The following LINGO2 variants were observed in gnomAD, a reference collection of about 807,000 sequenced individuals.
LINGO2 encodes the protein leucine rich repeat and Ig domain containing 2.
Under a neutral mutation model 30.6 loss-of-function variants are expected in LINGO2, and 14 were observed. The observed-to-expected ratio is 0.46, with a 90% CI of 0.30 to 0.72. LINGO2 has a LOEUF of 0.72. Among genes scored for constraint, LINGO2 ranks in the 30% least tolerant of loss-of-function variants. The pLI is 0.07. For missense variants in LINGO2, 729 were observed against 751.7 expected, an observed-to-expected ratio of 0.97 and a Z score of 0.35; for synonymous variants, 317 against 288.5, an observed-to-expected ratio of 1.10 and a Z score of -1.00.
chr9:28,698,681 T>C, the LINGO2 span, among the ~76,000 whole-genome samples: 4 of 151,946 alleles, frequency 2.6e-5, no homozygotes, highest in Non-Finnish European at 5.9e-5. Context: ...TAACATTGAA[T>C]AGAAAGTACA....
chr9:28,415,240 GA>G (rs1464854294), intron 2 of LINGO2, among the ~76,000 whole-genome samples: 2 of 152,022 alleles, frequency 1.3e-5, no homozygotes. Flanking sequence ...GAATGGATAG[GA>G]AACTATCAAA....
At chr9:28,555,813 T>A (rs1419124608) in intron 1 of LINGO2, among the ~76,000 whole-genome samples, 1 of 152,050 alleles carries the variant, frequency 6.6e-6, no homozygotes, top group Non-Finnish European at 1.5e-5. Flanking sequence ...TCAAGTGGGC[T>A]TCATCCCTGG....
chr9:28,639,669 C>A (rs1190389862), intron 1 of LINGO2, among the ~76,000 whole-genome samples: 2 of 152,046 alleles, frequency 1.3e-5, no homozygotes, highest in Non-Finnish European at 2.9e-5. Context: ...TTTCCATTTG[C>A]TTGGTAGATC....
intron 4 of LINGO2, among the ~76,000 whole-genome samples, chr9:28,066,968 T>C (rs1007468567): frequency 6.6e-6 from 1 of 152,120 alleles, no homozygotes; most frequent in African/African-American, 2.4e-5. Flanking sequence ...TATAAAATTC[T>C]ACACCTCCTC....
chr9:28,053,763 G>A (rs78852341), intron 4 of LINGO2, among the ~76,000 whole-genome samples: 1,522 of 152,146 alleles, frequency 0.01, 23 homozygotes, highest in African/African-American at 0.035. Context: ...TTAAAAGAAC[G>A]TAAATAGAGG....
At chr9:28,191,447 A>G (rs1819819895) in intron 4 of LINGO2, among the ~76,000 whole-genome samples, 1 of 152,148 alleles carries the variant, frequency 6.6e-6, no homozygotes, top group East Asian at 1.9e-4. Context: ...ATCTCACACA[A>G]TCAACTTTCA....
chr9:28,439,016 TAC>T (rs1400132369), intron 2 of LINGO2, among the ~76,000 whole-genome samples: 1 of 147,226 alleles, frequency 6.8e-6, no homozygotes, highest in East Asian at 1.9e-4. Flanking sequence ...TATAATGAAA[TAC>T]AGATATCTAT....
chr9:28,562,286 C>CT, intron 1 of LINGO2, among the ~76,000 whole-genome samples: 1 of 151,930 alleles, frequency 6.6e-6, no homozygotes, highest in South Asian at 2.1e-4. Context: ...AAGCATTGTT[C>CT]TTTTTTTCCT....
chr9:28,086,758 T>C (rs547851180), intron 4 of LINGO2, among the ~76,000 whole-genome samples: 29 of 152,210 alleles, frequency 1.9e-4, no homozygotes, highest in African/African-American at 7.0e-4. Context: ...CACAAACTTA[T>C]GAGACTTTAA....
chr9:28,237,986 A>G (rs769786109), intron 4 of LINGO2, among the ~76,000 whole-genome samples: 3 of 152,216 alleles, frequency 2.0e-5, no homozygotes, highest in Non-Finnish European at 2.9e-5. Flanking sequence ...AGCTATACTT[A>G]TATCAGACAA....
chr9:28,812,756 T>C, the LINGO2 span, among the ~76,000 whole-genome samples: 1 of 152,108 alleles, frequency 6.6e-6, no homozygotes, highest in Non-Finnish European at 1.5e-5. Flanking sequence ...TTGGTTGAGA[T>C]AAAAGCAAGA....
chr9:28,529,316 T>C (rs1239780607), intron 1 of LINGO2, among the ~76,000 whole-genome samples: 1 of 152,152 alleles, frequency 6.6e-6, no homozygotes, highest in Non-Finnish European at 1.5e-5. Flanking sequence ...TTCTCCATAC[T>C]AGAGATTACT....
chr9:29,161,419 G>C, the LINGO2 span, among the ~76,000 whole-genome samples: 2 of 152,286 alleles, frequency 1.3e-5, no homozygotes, highest in South Asian at 4.1e-4. Context: ...CCTGACATAA[G>C]CTTATTAACT....
In LINGO2 at chr9:28,568,342, G is replaced by A. The variant is rs2135581113; in HGVS notation, c.-364-92317C>T. On this transcript the variant is annotated intron_variant, in intron 1 of 5. Coordinates refer to ENST00000379992, the Ensembl canonical transcript of LINGO2. ...TCTACTTGTGGGTAGAGGGTGGGGT[G>A]AGGGAGAGGATGAGAAAAAACAACT... Among the ~76,000 whole-genome samples the A allele has an allele frequency of 3.3e-5, 5 of 152,140 alleles. No individual in the cohort carries two copies. The Middle Eastern group carries it at 0.017, about 517-fold the overall frequency.
intron 3 of LINGO2, among the ~76,000 whole-genome samples, chr9:28,327,423 G>A (rs187856844): frequency 8.4e-4 from 128 of 152,286 alleles, no homozygotes; most frequent in African/African-American, 2.9e-3. Context: ...CAGCTCTGAG[G>A]AAGAATGAAT....
the LINGO2 span, among the ~76,000 whole-genome samples, chr9:29,031,465 T>G: frequency 6.6e-6 from 1 of 152,102 alleles, no homozygotes; most frequent in Non-Finnish European, 1.5e-5. Context: ...GTATTTTTAG[T>G]AGAGACAGAG....
intron 4 of LINGO2, among the ~76,000 whole-genome samples, chr9:28,221,204 G>A (rs1820949942): frequency 6.7e-6 from 1 of 150,176 alleles, no homozygotes; most frequent in African/African-American, 2.4e-5. Flanking sequence ...GGAGGCTGAG[G>A]CAGGAGAATG....
At chr9:27,976,976 C>T (rs561748875) in intron 5 of LINGO2, among the ~76,000 whole-genome samples, 165 of 151,494 alleles carry the variant, frequency 1.1e-3, no homozygotes, top group African/African-American at 1.9e-3. Context: ...TGAGAAAGCC[C>T]GTGAGAAGAT....
intron 1 of LINGO2, among the ~76,000 whole-genome samples, chr9:28,634,601 T>A (rs1243845140): frequency 1.3e-5 from 2 of 149,986 alleles, no homozygotes; most frequent in African/African-American, 2.5e-5. Flanking sequence ...TTCTCGTGCC[T>A]CAGCCTCCCG....
Sources: gnomAD v4.1 joint callset for allele counts (sites outside exome capture counted in the v4.1 genomes callset) on GRCh38, gnomAD v4.1.1 for gene constraint, MANE v1.5 for transcripts, NCBI Gene and HGNC (gene_info 2026-07-23, HGNC 2026-07-21) for gene names.